MEGF11: variants seen among roughly 807,000 people sequenced by gnomAD.
MEGF11 encodes multiple EGF like domains 11, also known as multiple epidermal growth factor-like domains protein 11.
In MEGF11, 126 loss-of-function variants were observed where a neutral mutation model predicts 146.6. That is an observed-to-expected ratio of 0.86 (90% CI 0.74 to 1.00). The LOEUF (loss-of-function observed/expected upper bound fraction) is 1.00. Among genes scored for constraint, MEGF11 ranks in the 50% least tolerant of loss-of-function variants. The pLI, the probability that MEGF11 is intolerant of heterozygous loss-of-function variation, is 0.00. For missense variants in MEGF11, 1,509 were observed against 1,521.2 expected, an observed-to-expected ratio of 0.99 and a Z score of 0.13; for synonymous variants, 532 against 583.4, an observed-to-expected ratio of 0.91 and a Z score of 1.27.
At chr15:65,909,657 C>T (rs2078733549) in intron 22 of MEGF11, 83 bp downstream of exon 22, 1 of 1,346,626 alleles carries the variant, frequency 7.4e-7, no homozygotes, top group Non-Finnish European at 1.0e-6. Flanking sequence ...ATAACCCTGT[C>T]CCTTCAAGCT....
At chr15:65,914,199 G>A (rs1279465695) in intron 19 of MEGF11, 2 of 568,620 alleles carry the variant, frequency 3.5e-6, no homozygotes, top group East Asian at 5.6e-5. Flanking sequence ...GACTGTCGAT[G>A]TGAAACAATA....
intron 1 of MEGF11, among the ~76,000 whole-genome samples, chr15:66,197,614 G>A (rs2091041969): frequency 6.6e-6 from 1 of 152,074 alleles, no homozygotes; most frequent in African/African-American, 2.4e-5. Context: ...AGTAGATACG[G>A]GGTTTCACCA....
intron 1 of MEGF11, among the ~76,000 whole-genome samples, chr15:66,194,340 G>A (rs1272936014): frequency 6.6e-6 from 1 of 152,212 alleles, no homozygotes; most frequent in Non-Finnish European, 1.5e-5. Context: ...CGGGCATGGT[G>A]GCTCCTGCCT....
chr15:66,221,947 AT>A (rs2091749133), intron 1 of MEGF11, among the ~76,000 whole-genome samples: 1 of 152,120 alleles, frequency 6.6e-6, no homozygotes, highest in Admixed American at 6.6e-5. Flanking sequence ...AGTATTCCTA[AT>A]TGTGCTTGTT....
rs2078351083 is a variant in MEGF11 at position 65,895,929 on chromosome 15, G to T, written c.*2005C>A. The stretch of plus-strand genomic sequence containing the variant: ...TTTGCCCAGAGGATAGTTGACAAAA[G>T]CGGCGAAACTTCAAACTTGAGTGAT... On this transcript the variant is annotated 3_prime_UTR_variant, in exon 26 of 26. Transcript: ENST00000395614. 6.6e-6 allele frequency: 1 copy of T among 152,178 alleles called. No individual in the cohort carries two copies. Among genetic ancestry groups the T allele is most frequent in the Admixed American group, 6.5e-5 (1 of 15,278 alleles). 9.4% of individuals were successfully genotyped at this position (152,178 alleles called of 1,614,324 possible).
intron 5 of MEGF11, among the ~76,000 whole-genome samples, chr15:65,983,042 A>G (rs2081715582): frequency 6.7e-6 from 1 of 149,620 alleles, no homozygotes; most frequent in Non-Finnish European, 1.5e-5. Context: ...CATTTCACTC[A>G]CTCTCTGGGA....
Position 66,094,291 on chromosome 15 carries a change from C to T in MEGF11, c.394+111G>A, listed in dbSNP as rs1227366836. On this transcript the variant is annotated intron_variant, in intron 5 of 25. Transcript: ENST00000395614. The stretch of plus-strand genomic sequence containing the variant: ...GATGTTCACACAGGCCCAGGTAGCC[C>T]ACCCCAAGTCGCCCCAGCACAACAC... 35 of 803,124 alleles carry T rather than the reference C, an allele frequency of 4.4e-5. No individual in the cohort carries two copies. In the Admixed American group the frequency reaches 8.7e-4, roughly 20 times the overall value. 49.7% of individuals were successfully genotyped at this position (803,124 alleles called of 1,614,324 possible).
intron 1 of MEGF11, among the ~76,000 whole-genome samples, chr15:66,140,626 T>C (rs761464051): frequency 6.6e-6 from 1 of 152,084 alleles, no homozygotes; most frequent in Non-Finnish European, 1.5e-5. Flanking sequence ...AGGGACTCAA[T>C]AGGGTAGGAA....
chr15:65,943,879 C>T (rs915287855), intron 10 of MEGF11, among the ~76,000 whole-genome samples: 7 of 152,068 alleles, frequency 4.6e-5, no homozygotes, highest in African/African-American at 9.7e-5. Flanking sequence ...AAGAGCCCAG[C>T]GCCCTAGGTG....
intron 1 of MEGF11, among the ~76,000 whole-genome samples, chr15:66,247,145 C>T (rs2092306896): frequency 6.6e-6 from 1 of 152,148 alleles, no homozygotes; most frequent in South Asian, 2.1e-4. Context: ...CCACCTCCTC[C>T]AGGAAGCCTT....
At chr15:66,033,760 C>T (rs2083619912) in intron 5 of MEGF11, among the ~76,000 whole-genome samples, 1 of 147,764 alleles carries the variant, frequency 6.8e-6, no homozygotes, top group African/African-American at 2.4e-5. Context: ...TATAATTTTC[C>T]CTGTTGGTTT....
intron 10 of MEGF11, among the ~76,000 whole-genome samples, chr15:65,949,672 T>C (rs1468500318): frequency 6.6e-6 from 1 of 152,182 alleles, no homozygotes; most frequent in African/African-American, 2.4e-5. Flanking sequence ...GAGGGCCCCT[T>C]ATCTTCCAGA....
chr15:66,070,938 C>T (rs926994040), intron 5 of MEGF11, among the ~76,000 whole-genome samples: 3 of 151,932 alleles, frequency 2.0e-5, no homozygotes, highest in Non-Finnish European at 4.4e-5. Flanking sequence ...AACATGGAAT[C>T]GAGGAGAAAA....
intron 5 of MEGF11, among the ~76,000 whole-genome samples, chr15:66,086,115 G>T (rs905437318): frequency 6.7e-6 from 1 of 149,626 alleles, no homozygotes; most frequent in Non-Finnish European, 1.5e-5. Context: ...CAAAGACAAA[G>T]AAAAAAAAAG....
chr15:65,976,266 C>T (rs1020474631), intron 7 of MEGF11, among the ~76,000 whole-genome samples: 1 of 152,104 alleles, frequency 6.6e-6, no homozygotes, highest in African/African-American at 2.4e-5. Context: ...GTCTTGAACT[C>T]CTGACCTCAG....
chr15:65,973,939 T>G (rs1421483909), intron 7 of MEGF11, among the ~76,000 whole-genome samples: 1 of 152,184 alleles, frequency 6.6e-6, no homozygotes, highest in African/African-American at 2.4e-5. Context: ...CTTGTGGTAT[T>G]ATATAACTTA....
At chr15:66,157,508 A>G (rs922245607) in intron 1 of MEGF11, among the ~76,000 whole-genome samples, 1 of 152,170 alleles carries the variant, frequency 6.6e-6, no homozygotes, top group Non-Finnish European at 1.5e-5. Context: ...GGCACCTACT[A>G]TGTACAAGGC....
chr15:66,077,651 C>T (rs753162962), intron 5 of MEGF11, among the ~76,000 whole-genome samples: 2 of 152,214 alleles, frequency 1.3e-5, no homozygotes, highest in Non-Finnish European at 2.9e-5. Flanking sequence ...GTCATAGAGA[C>T]AAGAAAGACG....
In MEGF11 at chr15:66,032,309, A is replaced by C. The variant is rs191271569; in HGVS notation, c.395-49821T>G. Among the ~76,000 whole-genome samples the C allele has an allele frequency of 2.0e-5, 3 of 152,256 alleles. No individual in the cohort carries two copies. The East Asian group carries it at 5.8e-4, about 29-fold the overall frequency. On this transcript the variant is annotated intron_variant, in intron 5 of 25. Coordinates refer to ENST00000395614, the MANE Select transcript of MEGF11 (RefSeq NM_001385028.1). ...TTATAGCAATAGAAAACAGACTGTG[A>C]CAGAAAATTGATACTGAAAAATGGG... is the stretch of plus-strand genomic sequence containing the variant.
Sources: allele counts gnomAD v4.1 joint callset (sites outside exome capture counted in the v4.1 genomes callset), GRCh38; gene constraint gnomAD v4.1.1; transcripts MANE v1.5; gene names NCBI Gene and HGNC (gene_info 2026-07-23, HGNC 2026-07-21).